Variants in ITPR2 observed in about 807,000 individuals in gnomAD.
ITPR2 encodes the protein inositol 1,4,5-trisphosphate-gated calcium channel ITPR2.
A neutral mutation model predicts 317.1 loss-of-function variants in ITPR2; 207 were observed. That is an observed-to-expected ratio of 0.65 (90% CI 0.58 to 0.73). The LOEUF is 0.73. Ranked by LOEUF, ITPR2 falls within the 30% of genes least tolerant of loss-of-function variation. ITPR2 has a pLI of 0.00. For synonymous variants in ITPR2, 1,156 were observed against 1,149.1 expected (o/e 1.01, Z -0.12); for missense variants, 2,613 against 3,284.0 (o/e 0.80, Z 4.99).
intron 9 of ITPR2, among the ~76,000 whole-genome samples, chr12:26,702,037 A>G (rs1388884495): frequency 6.6e-6 from 1 of 152,208 alleles, no homozygotes; most frequent in Non-Finnish European, 1.5e-5. Flanking sequence ...TGGAAGACCC[A>G]TTTACTGAGG....
intron 55 of ITPR2, among the ~76,000 whole-genome samples, chr12:26,364,391 G>A (rs1938938569): frequency 6.6e-6 from 1 of 152,306 alleles, no homozygotes; most frequent in East Asian, 1.9e-4. Flanking sequence ...CACAAAATAA[G>A]TGCTTTATAC....
chr12:26,658,178 T>C (rs774026484), intron 16 of ITPR2, 48 bp from the exon 17 acceptor site: 8 of 1,342,978 alleles, frequency 6.0e-6, no homozygotes, highest in Non-Finnish European at 7.0e-6. Flanking sequence ...AAGCATTTTA[T>C]AAAAGCATCA....
intron 49 of ITPR2, among the ~76,000 whole-genome samples, 170 bp downstream of exon 49, chr12:26,427,743 T>G (rs1177118398): frequency 1.3e-5 from 2 of 152,158 alleles, no homozygotes; most frequent in African/African-American, 4.8e-5. Flanking sequence ...ATTTTTTCTT[T>G]CACTCAAAAT....
intron 55 of ITPR2, among the ~76,000 whole-genome samples, chr12:26,382,342 C>T (rs1354427911): frequency 6.6e-6 from 1 of 152,130 alleles, no homozygotes; most frequent in African/African-American, 2.4e-5. Flanking sequence ...AATAATCAAA[C>T]AGTGGCTATT....
At chr12:26,827,693 T>G (rs1472850142) in intron 1 of ITPR2, among the ~76,000 whole-genome samples, 7 of 152,252 alleles carry the variant, frequency 4.6e-5, no homozygotes, top group Non-Finnish European at 7.3e-5. Flanking sequence ...TTCATTATCT[T>G]GAAATACTGT....
intron 2 of ITPR2, among the ~76,000 whole-genome samples, chr12:26,747,548 C>T (rs939170885): frequency 6.6e-6 from 1 of 152,190 alleles, no homozygotes; most frequent in African/African-American, 2.4e-5. Context: ...TGTTATAAAA[C>T]TTTATCTAAT....
intron 46 of ITPR2, among the ~76,000 whole-genome samples, chr12:26,441,322 T>G (rs1941483465): frequency 6.6e-6 from 1 of 152,152 alleles, no homozygotes; most frequent in South Asian, 2.1e-4. Context: ...GGTCTTTAAG[T>G]CTATAACTTG....
At chr12:26,591,554 G>A (rs1318798408) in intron 32 of ITPR2, among the ~76,000 whole-genome samples, 6 of 152,136 alleles carry the variant, frequency 3.9e-5, no homozygotes, top group Admixed American at 2.0e-4. Context: ...AAATAGCCGG[G>A]CGCAGAGGCT....
chr12:26,724,953 C>T (rs1274543220), intron 3 of ITPR2, among the ~76,000 whole-genome samples: 1 of 151,984 alleles, frequency 6.6e-6, no homozygotes, highest in African/African-American at 2.4e-5. Context: ...CATATTCATC[C>T]AAGTATTTGG....
intron 41 of ITPR2, among the ~76,000 whole-genome samples, chr12:26,484,269 AAG>A (rs144855215): frequency 0.022 from 3,318 of 151,818 alleles, 151 homozygotes; most frequent in East Asian, 0.21. Flanking sequence ...AAGTCGGAAA[AAG>A]AGAAAAAAAA....
intron 36 of ITPR2, among the ~76,000 whole-genome samples, chr12:26,553,312 C>T (rs962070866): frequency 7.9e-5 from 12 of 152,202 alleles, no homozygotes; most frequent in African/African-American, 2.9e-4. Context: ...TTCTCTTTCA[C>T]TCTATGTGTT....
At position 26,682,051 on chromosome 12, in the gene ITPR2, T is replaced by C. The variant is rs763111926; in HGVS notation, c.1249-17A>G. On this transcript the variant is annotated splice_polypyrimidine_tract_variant and intron_variant, in intron 12 of 56. Transcript: ENST00000381340. ...GGTTCCAATCTGAAATGTTTTTCCATTAAGCTTAGTTTTATAAACAACTAT... is the reference window on the plus strand; with the variant it reads ...GGTTCCAATCTGAAATGTTTTTCCACTAAGCTTAGTTTTATAAACAACTAT... The C allele has an allele frequency of 6.2e-7, 1 of 1,604,410 alleles. No individual in the cohort carries two copies. Among genetic ancestry groups the C allele is most frequent in the Non-Finnish European group, 8.5e-7 (1 of 1,173,766 alleles).
chr12:26,690,485 G>T (rs527533861), intron 10 of ITPR2, among the ~76,000 whole-genome samples: 56 of 152,278 alleles, frequency 3.7e-4, no homozygotes, highest in African/African-American at 1.3e-3. Flanking sequence ...CAAGGAAAAT[G>T]CACCAATTGA....
At chr12:26,443,380 T>C (rs1941533336) in intron 46 of ITPR2, among the ~76,000 whole-genome samples, 163 bp downstream of exon 46, 1 of 152,144 alleles carries the variant, frequency 6.6e-6, no homozygotes, top group South Asian at 2.1e-4. Flanking sequence ...ACACCTCAGT[T>C]TCCTATAAAT....
chr12:26,695,648 A>C lies in ITPR2; in HGVS notation c.954T>G (p.Leu318=), dbSNP rs1212528340. ...TTTGGGCATCTCGATAATCAGGATT[A>C]AGCTAGAAAAACAAAGGAAAATTTA... ...LATGNYLAAE[L]NPDYRDAQNE... Residue 318 remains leucine, a splice_region_variant and synonymous_variant, in exon 10 of 57, where the codon CTT becomes CTG. Transcript: ENST00000381340. 1 of 1,612,088 alleles carries C rather than the reference A, an allele frequency of 6.2e-7. No homozygotes were observed. The highest frequency in any genetic ancestry group is 8.5e-7 in the Non-Finnish European group (1 of 1,178,424).
At chr12:26,342,517 G>GGGGGGGGA (rs1938161904) in intron 55 of ITPR2, among the ~76,000 whole-genome samples, 1 of 69,944 alleles carries the variant, frequency 1.4e-5, no homozygotes, top group African/African-American at 5.4e-5. Context: ...GGGGGGGCGG[G>GGGGGGGGA]GGTCAGATCC....
intron 55 of ITPR2, among the ~76,000 whole-genome samples, chr12:26,354,690 T>C (rs1938577717): frequency 6.6e-6 from 1 of 152,138 alleles, no homozygotes; most frequent in African/African-American, 2.4e-5. Context: ...GTTTTTGAGA[T>C]GGAGTTTTGC....
At chr12:26,369,512 A>G (rs1423763208) in intron 55 of ITPR2, among the ~76,000 whole-genome samples, 1 of 152,228 alleles carries the variant, frequency 6.6e-6, no homozygotes, top group Non-Finnish European at 1.5e-5. Flanking sequence ...GGATAGAGGA[A>G]TGAGAAGGGC....
rs748538608 is a variant in ITPR2, at chr12:26,486,114, C to T, written c.5801G>A (p.Arg1934Gln). The T allele has an allele frequency of 6.8e-6, 11 of 1,614,028 alleles. No individual in the cohort carries two copies. The highest frequency in any genetic ancestry group is 4.4e-5 in the South Asian group (4 of 91,056). ...AAACAGAACAAATACCTGCAATTCC[C>T]GGTTGTGATTCTCACACAGTAACTG... ...FLQLLCENHNRELQNFLRNQN... is the reference protein window; with the variant it reads ...FLQLLCENHNQELQNFLRNQN... The change falls in exon 41 of 57, where the codon CGG (arginine) becomes CAG (glutamine). Residue 1934 changes from arginine to glutamine, a missense_variant. Coordinates refer to ENST00000381340, the MANE Select transcript of ITPR2 (RefSeq NM_002223.4).
Sources: allele counts gnomAD v4.1 joint callset (sites outside exome capture counted in the v4.1 genomes callset), GRCh38; gene constraint gnomAD v4.1.1; transcripts MANE v1.5; gene names NCBI Gene and HGNC (gene_info 2026-07-23, HGNC 2026-07-21).